The following ADAMTSL1 variants were observed in gnomAD, a reference collection of about 807,000 sequenced individuals.
ADAMTSL1 encodes the protein ADAMTS-like protein 1.
Under a neutral mutation model 201.8 loss-of-function variants are expected in ADAMTSL1, and 126 were observed. The observed-to-expected ratio is 0.62, with a 90% confidence interval of 0.54 to 0.72. The LOEUF is 0.72. Among genes scored for constraint, ADAMTSL1 ranks in the 30% least tolerant of loss-of-function variants. The pLI is 0.00. For missense variants in ADAMTSL1, 2,679 were observed against 2,277.8 expected, an observed-to-expected ratio of 1.18 and a Z score of -3.59; for synonymous variants, 1,121 against 903.4, an observed-to-expected ratio of 1.24 and a Z score of -4.32.
chr9:18,645,687 T>C (rs1827761124), intron 7 of ADAMTSL1, among the ~76,000 whole-genome samples: 1 of 150,278 alleles, frequency 6.7e-6, no homozygotes, highest in South Asian at 2.1e-4. Flanking sequence ...TTGTCAAAGA[T>C]CAGATAGTTG....
At chr9:18,621,777 T>C (rs1826048140) in intron 4 of ADAMTSL1, among the ~76,000 whole-genome samples, 1 of 152,166 alleles carries the variant, frequency 6.6e-6, no homozygotes, top group South Asian at 2.1e-4. Context: ...CGCCCACCCT[T>C]ACGCAGCATA....
At chr9:18,245,163 A>T (rs960361441) in intron 2 of ADAMTSL1, among the ~76,000 whole-genome samples, 1 of 152,178 alleles carries the variant, frequency 6.6e-6, no homozygotes, top group African/African-American at 2.4e-5. Flanking sequence ...GAAATCCAAA[A>T]CATTACTAAG....
At chr9:18,063,183 A>C (rs1303131971) in intron 1 of ADAMTSL1, among the ~76,000 whole-genome samples, 1 of 152,100 alleles carries the variant, frequency 6.6e-6, no homozygotes, top group Non-Finnish European at 1.5e-5. Flanking sequence ...TCTCTTAAAA[A>C]AACGTTTTTA....
chr9:18,655,806 TAAAAAAAAAA>T (rs56662538), intron 7 of ADAMTSL1, among the ~76,000 whole-genome samples: 64 of 81,850 alleles, frequency 7.8e-4, no homozygotes, highest in African/African-American at 2.7e-3. Flanking sequence ...TTTGTGAGCT[TAAAAAAAAAA>T]AAAAAAAAAA....
In ADAMTSL1 at chr9:18,753,379, G is replaced by C; in HGVS notation, c.2088G>C (p.Leu696=). 1 of 1,612,564 alleles carries C rather than the reference G, an allele frequency of 6.2e-7. No homozygotes were observed. Among genetic ancestry groups the C allele is most frequent in the Non-Finnish European group, 8.5e-7 (1 of 1,179,384 alleles). ...CCAGAGACGTCTTCTGCAGCCACCT[G>C]CTTTCCAGAGAGATGAATGAAACAG... The part of the protein sequence containing the change: ...LQTRDVFCSH[L]LSREMNETVI... Residue 696 remains leucine, a synonymous_variant, in exon 16 of 29, where the codon CTG becomes CTC. Coordinates refer to ENST00000380548, the MANE Select transcript of ADAMTSL1 (RefSeq NM_001040272.6).
At chr9:18,075,560 A>T (rs1286644161) in intron 1 of ADAMTSL1, among the ~76,000 whole-genome samples, 1 of 152,234 alleles carries the variant, frequency 6.6e-6, no homozygotes, top group East Asian at 1.9e-4. Flanking sequence ...ACTTTATAGC[A>T]CACTAAAATC....
chr9:18,300,207 A>C (rs1360677545), intron 2 of ADAMTSL1, among the ~76,000 whole-genome samples: 2 of 152,224 alleles, frequency 1.3e-5, no homozygotes, highest in African/African-American at 2.4e-5. Flanking sequence ...ACTTGGAACC[A>C]ACCGAAATGT....
chr9:18,117,261 T>C (rs1259790234), intron 1 of ADAMTSL1, among the ~76,000 whole-genome samples: 1 of 152,206 alleles, frequency 6.6e-6, no homozygotes, highest in Non-Finnish European at 1.5e-5. Flanking sequence ...AAATCTCTGT[T>C]GTCTGCCCCT....
At chr9:18,683,077 G>C (rs149397068) in intron 12 of ADAMTSL1, among the ~76,000 whole-genome samples, 1 of 152,300 alleles carries the variant, frequency 6.6e-6, no homozygotes, top group Non-Finnish European at 1.5e-5. Flanking sequence ...ACTATGGGAG[G>C]AGGTTGCCAC....
At chr9:17,984,413 G>T (rs865871455) in intron 1 of ADAMTSL1, among the ~76,000 whole-genome samples, 1 of 151,730 alleles carries the variant, frequency 6.6e-6, no homozygotes, top group Non-Finnish European at 1.5e-5. Context: ...CTTTTTTCTA[G>T]CCTTCTTTTT....
At chr9:18,549,962 T>G (rs1820701004) in intron 3 of ADAMTSL1, among the ~76,000 whole-genome samples, 1 of 152,006 alleles carries the variant, frequency 6.6e-6, no homozygotes. Flanking sequence ...GTATGCACAT[T>G]AAAGGCTGAG....
At chr9:17,994,375 T>G in intron 1 of ADAMTSL1, among the ~76,000 whole-genome samples, 1 of 152,172 alleles carries the variant, frequency 6.6e-6, no homozygotes, top group Non-Finnish European at 1.5e-5. Flanking sequence ...TAGAAAATGC[T>G]GACAAGAGAG....
chr9:18,329,536 C>G (rs1241947534), intron 2 of ADAMTSL1, among the ~76,000 whole-genome samples: 2 of 152,132 alleles, frequency 1.3e-5, no homozygotes, highest in Non-Finnish European at 2.9e-5. Context: ...GTAAATGTCA[C>G]TGGAGGATTT....
At chr9:18,803,735 T>G (rs1256558058) in intron 20 of ADAMTSL1, among the ~76,000 whole-genome samples, 2 of 152,200 alleles carry the variant, frequency 1.3e-5, no homozygotes, top group African/African-American at 4.8e-5. Flanking sequence ...AAAATCCTTT[T>G]TTGGGTAAAC....
intron 2 of ADAMTSL1, among the ~76,000 whole-genome samples, chr9:18,444,219 A>G (rs1215928953): frequency 6.6e-6 from 1 of 152,194 alleles, no homozygotes. Context: ...ATGAGAAAAG[A>G]AAAAATTATT....
rs535778882 is a variant in ADAMTSL1 at position 18,663,082 on chromosome 9, T to C, written c.1085+1009T>C. 2.0e-5 allele frequency among the ~76,000 whole-genome samples: 3 copies of C among 152,302 alleles called. No individual in the cohort carries two copies. In the South Asian group the frequency reaches 6.2e-4, roughly 32 times the overall value. Reference sequence around the variant, plus strand: ...TAAAATATGACTTGGGCAATGTCGATGCAAATCATTCTATTTTGAGGTGAT... The same window carrying C: ...TAAAATATGACTTGGGCAATGTCGACGCAAATCATTCTATTTTGAGGTGAT... On this transcript the variant is annotated intron_variant, in intron 9 of 28. Coordinates refer to ENST00000380548, the MANE Select transcript of ADAMTSL1 (RefSeq NM_001040272.6).
intron 2 of ADAMTSL1, among the ~76,000 whole-genome samples, chr9:18,280,306 C>T (rs371992804): frequency 2.9e-4 from 44 of 151,750 alleles, no homozygotes; most frequent in African/African-American, 1.0e-3. Context: ...AAACTTGATG[C>T]TGACCTGGAA....
intron 1 of ADAMTSL1, among the ~76,000 whole-genome samples, chr9:17,977,454 A>C (rs748473820): frequency 1.4e-4 from 22 of 152,096 alleles, no homozygotes; most frequent in Non-Finnish European, 2.9e-4. Context: ...ATTTTTGATT[A>C]TTGATTCAAT....
At chr9:17,942,409 A>G (rs1402733013) in intron 1 of ADAMTSL1, among the ~76,000 whole-genome samples, 2 of 152,142 alleles carry the variant, frequency 1.3e-5, no homozygotes, top group Non-Finnish European at 1.5e-5. Flanking sequence ...CTTTTGTTTC[A>G]TAAATGATGT....
Sources: allele counts gnomAD v4.1 joint callset (sites outside exome capture counted in the v4.1 genomes callset), GRCh38; gene constraint gnomAD v4.1.1; transcripts MANE v1.5; gene names NCBI Gene and HGNC (gene_info 2026-07-23, HGNC 2026-07-21).